SCAF8: variants seen among roughly 807,000 people sequenced by gnomAD.
SCAF8 encodes the protein SR-related CTD associated factor 8.
In SCAF8, 23 loss-of-function variants were observed where a neutral mutation model predicts 140.5. The observed-to-expected ratio is 0.16, with a 90% confidence interval of 0.12 to 0.23. The LOEUF (loss-of-function observed/expected upper bound fraction) is 0.23, where lower values mean the gene tolerates loss of function less well. Ranked by LOEUF, SCAF8 falls within the 10% of genes least tolerant of loss-of-function variation. SCAF8 has a pLI of 1.00. For missense variants in SCAF8, 1,397 were observed against 1,555.7 expected (o/e 0.90, Z 1.72); for synonymous variants, 575 against 528.9 (o/e 1.09, Z -1.20).
chr6:154,734,066 G>A (rs1778341163), intron 1 of SCAF8, 136 bp downstream of exon 1: 2 of 1,307,964 alleles, frequency 1.5e-6, no homozygotes, highest in Admixed American at 3.9e-5. Flanking sequence ...AGTGCCCGTG[G>A]GGGAGGGGTG....
intron 16 of SCAF8, among the ~76,000 whole-genome samples, chr6:154,823,743 C>T (rs1778486938): frequency 6.6e-6 from 1 of 152,136 alleles, no homozygotes; most frequent in African/African-American, 2.4e-5. Flanking sequence ...TGAATAGACA[C>T]TTGATGTAAT....
intron 3 of SCAF8, among the ~76,000 whole-genome samples, chr6:154,786,370 A>T (rs1164190011): frequency 3.3e-5 from 5 of 152,232 alleles, no homozygotes; most frequent in African/African-American, 1.2e-4. Context: ...TCAAGCACTG[A>T]TCTTTTAAGA....
rs1015458043 is a variant in SCAF8, at chr6:154,833,693, A to G, written c.*298A>G. On this transcript the variant is annotated 3_prime_UTR_variant, in exon 20 of 20. Coordinates refer to ENST00000367178, the MANE Select transcript of SCAF8 (RefSeq NM_014892.5). ...GCTTGTCAGAGACTTCCTATGGAAG[A>G]AAGAATTTTTTAGATACTATCATTA... 2.0e-5 allele frequency: 5 copies of G among 250,152 alleles called. No individual in the cohort carries two copies. The South Asian group carries it at 4.3e-4, about 21-fold the overall frequency. 15.5% of individuals were successfully genotyped at this position (250,152 alleles called of 1,614,324 possible). A position where few individuals can be genotyped will look rare whatever the true frequency, so the allele number is the denominator to read the frequency against.
At chr6:154,756,725 G>T (rs1778974724) in intron 1 of SCAF8, among the ~76,000 whole-genome samples, 1 of 152,132 alleles carries the variant, frequency 6.6e-6, no homozygotes, top group South Asian at 2.1e-4. Flanking sequence ...ACATTCTGTT[G>T]CATTGAAATA....
intron 1 of SCAF8, among the ~76,000 whole-genome samples, chr6:154,761,295 G>A (rs1356593107): frequency 1.3e-5 from 2 of 152,078 alleles, no homozygotes; most frequent in African/African-American, 2.4e-5. Context: ...GAGACCGCCT[G>A]GGCAACATGG....
intron 9 of SCAF8, among the ~76,000 whole-genome samples, chr6:154,807,813 G>A (rs1304536369): frequency 1.3e-5 from 2 of 152,044 alleles, no homozygotes; most frequent in Non-Finnish European, 2.9e-5. Context: ...TTTCACAATT[G>A]AAAATTTACT....
intron 1 of SCAF8, among the ~76,000 whole-genome samples, chr6:154,771,201 C>T (rs1776756692): frequency 6.6e-6 from 1 of 152,136 alleles, no homozygotes; most frequent in African/African-American, 2.4e-5. Context: ...GTGAATGCTT[C>T]ACAGGTATTA....
intron 1 of SCAF8, among the ~76,000 whole-genome samples, chr6:154,740,234 G>A (rs1253201198): frequency 6.6e-6 from 1 of 152,142 alleles, no homozygotes; most frequent in Non-Finnish European, 1.5e-5. Flanking sequence ...GATATTTTGG[G>A]CTGGATACTT....
rs892740879 is a variant in SCAF8, at chr6:154,762,031, T to C, written c.31-11958T>C. Among the ~76,000 whole-genome samples, 8 of 152,384 alleles carry C rather than the reference T, an allele frequency of 5.2e-5. No individual in the cohort carries two copies. In the South Asian group the frequency reaches 1.7e-3, roughly 32 times the overall value. On this transcript the variant is annotated intron_variant, in intron 1 of 19. Transcript: ENST00000367178. ...AGATATTGTTTTTAAATTTAATTTC[T>C]ACTTTGAGTTATTAATAAAAAGTTT... is the stretch of plus-strand genomic sequence containing the variant.
intron 1 of SCAF8, among the ~76,000 whole-genome samples, chr6:154,734,133 C>T (rs779643076): frequency 2.5e-4 from 38 of 152,292 alleles, no homozygotes; most frequent in Non-Finnish European, 5.1e-4. Flanking sequence ...GGAGGGCCGC[C>T]CTGGGGCGGA....
chr6:154,770,948 T>C (rs534627364), intron 1 of SCAF8, among the ~76,000 whole-genome samples: 1 of 152,298 alleles, frequency 6.6e-6, no homozygotes, highest in South Asian at 2.1e-4. Flanking sequence ...TTTCGCTGTG[T>C]TGGTCAGGCT....
chr6:154,755,442 T>G (rs1300616207), intron 1 of SCAF8, among the ~76,000 whole-genome samples: 1 of 151,988 alleles, frequency 6.6e-6, no homozygotes, highest in Non-Finnish European at 1.5e-5. Flanking sequence ...TTAGTAGAGA[T>G]GGGGTTTTGT....
At chr6:154,773,945 CT>C in intron 1 of SCAF8, 43 bp from the exon 2 acceptor site, 1 of 1,214,638 alleles carries the variant, frequency 8.2e-7, no homozygotes, top group South Asian at 1.3e-5. Flanking sequence ...CATGTAATTG[CT>C]TGGAGAGTTT....
intron 1 of SCAF8, chr6:154,741,823 T>G (rs572386338): frequency 2.2e-4 from 134 of 605,978 alleles, no homozygotes; most frequent in African/African-American, 2.2e-3. Flanking sequence ...TTTGGACAAC[T>G]TCTAACTCAT....
At chr6:154,747,900 G>C (rs1019352469) in intron 1 of SCAF8, among the ~76,000 whole-genome samples, 1 of 83,066 alleles carries the variant, frequency 1.2e-5, no homozygotes, top group Non-Finnish European at 2.4e-5. Context: ...TCATTTCTGT[G>C]TGTGTGTGTG....
chr6:154,754,639 G>C (rs1192529473), intron 1 of SCAF8, among the ~76,000 whole-genome samples: 1 of 152,188 alleles, frequency 6.6e-6, no homozygotes, highest in Non-Finnish European at 1.5e-5. Context: ...GTATATTACT[G>C]TCTTTATTGT....
At chr6:154,807,218 T>C (rs1777945497) in intron 9 of SCAF8, among the ~76,000 whole-genome samples, 1 of 152,192 alleles carries the variant, frequency 6.6e-6, no homozygotes, top group African/African-American at 2.4e-5. Flanking sequence ...GAGTCTGTTG[T>C]AAGAATCTCA....
chr6:154,757,227 T>G (rs1247814255), intron 1 of SCAF8, among the ~76,000 whole-genome samples: 1 of 152,178 alleles, frequency 6.6e-6, no homozygotes, highest in African/African-American at 2.4e-5. Context: ...ACTCCTGGCC[T>G]CAAGTGATCT....
intron 1 of SCAF8, among the ~76,000 whole-genome samples, chr6:154,745,188 T>A (rs1410033347): frequency 6.6e-6 from 1 of 152,194 alleles, no homozygotes; most frequent in Non-Finnish European, 1.5e-5. Flanking sequence ...GAGATGATAT[T>A]TGATTAAAAT....
Sources: allele counts gnomAD v4.1 joint callset (sites outside exome capture counted in the v4.1 genomes callset), GRCh38; gene constraint gnomAD v4.1.1; transcripts MANE v1.5; gene names NCBI Gene and HGNC (gene_info 2026-07-23, HGNC 2026-07-21).